Variants in DDX42 observed in about 807,000 individuals in gnomAD.
DDX42 encodes ATP-dependent RNA helicase DDX42.
DDX42 carries 22 observed loss-of-function variants against 101.5 expected under a neutral mutation model. The ratio of observed to expected loss-of-function variants is 0.22; its 90% CI spans 0.15 to 0.31. The LOEUF is 0.31. Among genes scored for constraint, DDX42 ranks in the 10% least tolerant of loss-of-function variants. The pLI, the probability that DDX42 is intolerant of heterozygous loss-of-function variation, is 1.00. For synonymous variants in DDX42, 402 were observed against 401.2 expected, an observed-to-expected ratio of 1.00 and a Z score of -0.02; for missense variants, 849 against 1,199.9, an observed-to-expected ratio of 0.71 and a Z score of 4.32.
In DDX42 at chr17:63,782,022, T is replaced by A. The variant is rs550577717; in HGVS notation, c.-16-5012T>A. Reference sequence around the variant, plus strand: ...GAGACTCCGTCTCAAAAAATAAAAATAAAAAAAGAATTGTCTTACCAGCTG... The same window carrying A: ...GAGACTCCGTCTCAAAAAATAAAAAAAAAAAAAGAATTGTCTTACCAGCTG... On this transcript the variant is annotated intron_variant, in intron 1 of 17. Coordinates refer to ENST00000389924, the MANE Select transcript of DDX42 (RefSeq NM_203499.3). 1.4e-3 allele frequency among the ~76,000 whole-genome samples: 207 copies of A among 147,394 alleles called. 1 individual carries two copies. The highest frequency in any genetic ancestry group is 4.8e-3 in the African/African-American group (189 of 39,576).
intron 13 of DDX42, 62 bp from the exon 14 acceptor site, chr17:63,811,870 C>A: frequency 6.2e-7 from 1 of 1,608,088 alleles, no homozygotes; most frequent in South Asian, 1.1e-5. Flanking sequence ...AATGCCTAGT[C>A]CTTGTTCAGG....
intron 5 of DDX42, 168 bp from the exon 6 acceptor site, chr17:63,800,300 C>T: frequency 3.5e-6 from 2 of 564,954 alleles, no homozygotes; most frequent in East Asian, 2.9e-5. Context: ...TCTGATTGTT[C>T]TTCTGAATAT....
chr17:63,791,750 A>G (rs2039630601), intron 2 of DDX42, among the ~76,000 whole-genome samples: 1 of 152,186 alleles, frequency 6.6e-6, no homozygotes, highest in Non-Finnish European at 1.5e-5. Context: ...CTAATGTTTC[A>G]GTAAGTTTCC....
chr17:63,780,079 C>T (rs1028164725), intron 1 of DDX42, among the ~76,000 whole-genome samples: 1 of 152,112 alleles, frequency 6.6e-6, no homozygotes, highest in Non-Finnish European at 1.5e-5. Flanking sequence ...GGCAGATCAC[C>T]GGCGGTCGGG....
chr17:63,779,382 A>G (rs1158137690), intron 1 of DDX42, among the ~76,000 whole-genome samples: 2 of 151,344 alleles, frequency 1.3e-5, no homozygotes, highest in Non-Finnish European at 2.9e-5. Flanking sequence ...TCCCACCTCA[A>G]CCTCCCGAGT....
intron 1 of DDX42, among the ~76,000 whole-genome samples, chr17:63,786,520 G>C (rs1415762680): frequency 1.3e-5 from 2 of 151,964 alleles, no homozygotes; most frequent in African/African-American, 4.8e-5. Flanking sequence ...GAACTCCTGG[G>C]TTCAAGTAGT....
At chr17:63,792,847 A>G (rs2039645467) in intron 3 of DDX42, among the ~76,000 whole-genome samples, 1 of 152,178 alleles carries the variant, frequency 6.6e-6, no homozygotes, top group African/African-American at 2.4e-5. Context: ...ATATTCTTAA[A>G]TGGAATTAAT....
At position 63,817,994 on chromosome 17, in the gene DDX42, G is replaced by A. The variant is rs778471139; in HGVS notation, c.2413G>A (p.Gly805Arg). ...NSREGTGGSN[G>R]KRERYTENRG... ...CCGAGAAGGGACTGGGGGCAGCAAC[G>A]GGAAAAGAGAGAGATATACTGAGAA... The change falls in exon 18 of 18, where the codon GGG (glycine) becomes AGG (arginine). Residue 805 changes from glycine to arginine, a missense_variant. Physicochemically the swap from Gly to Arg is moderately radical, Grantham distance 125 (BLOSUM62 -2). This residue lies in a region of DDX42 where 300 missense variants were observed against 304.9 expected (regional missense o/e 0.98). Transcript: ENST00000389924. 11 of 1,614,040 alleles carry A rather than the reference G, an allele frequency of 6.8e-6. No homozygotes were observed. Among genetic ancestry groups the A allele is most frequent in the East Asian group, 4.5e-5 (2 of 44,904 alleles).
At chr17:63,800,390 A>G (rs1420527715) in intron 5 of DDX42, 78 bp from the exon 6 acceptor site, 7 of 1,423,004 alleles carry the variant, frequency 4.9e-6, no homozygotes, top group African/African-American at 1.4e-5. Context: ...TATCTGGTAC[A>G]CTATGTGCGC....
At chr17:63,790,822 T>C (rs548302857) in intron 2 of DDX42, among the ~76,000 whole-genome samples, 1 of 151,858 alleles carries the variant, frequency 6.6e-6, no homozygotes, top group Admixed American at 6.6e-5. Context: ...TGCCAGCTAT[T>C]TGGGAGACTG....
Position 63,800,610 on chromosome 17 carries a change from A to T in DDX42, c.614A>T (p.His205Leu). 6.2e-7 allele frequency: 1 copy of T among 1,613,610 alleles called. No homozygotes were observed. ...ATTGATCCTCTTCCCCCCATTGATC[A>T]TTCAGAGGTATGGTGTTTCTTGCTG... ...KIIDPLPPID[H>L]SEIDYPPFEK... The change falls in exon 6 of 18, where the codon CAT becomes CTT. Residue 205 changes from histidine (H) to leucine (L), a missense_variant. His to Leu is a moderately conservative substitution (Grantham distance 99). Coordinates refer to ENST00000389924, the MANE Select transcript of DDX42 (RefSeq NM_203499.3).
At chr17:63,791,485 A>G (rs1299608699) in intron 2 of DDX42, among the ~76,000 whole-genome samples, 2 of 151,840 alleles carry the variant, frequency 1.3e-5, no homozygotes, top group East Asian at 1.9e-4. Flanking sequence ...CTAATTTTGT[A>G]TTTTTAGTAG....
chr17:63,791,453 G>A (rs1191402169), intron 2 of DDX42, among the ~76,000 whole-genome samples: 2 of 151,894 alleles, frequency 1.3e-5, no homozygotes, highest in South Asian at 2.1e-4. Context: ...CTGGGATTAC[G>A]GGCATGTGCA....
chr17:63,807,643 C>G, intron 8 of DDX42, 81 bp from the exon 9 acceptor site: 1 of 1,317,682 alleles, frequency 7.6e-7, no homozygotes, highest in Non-Finnish European at 1.1e-6. Context: ...TGTTAGTAGT[C>G]ATTTATCATT....
intron 1 of DDX42, among the ~76,000 whole-genome samples, chr17:63,782,725 TTGC>T (rs1393821971): frequency 6.6e-6 from 1 of 152,216 alleles, no homozygotes; most frequent in Non-Finnish European, 1.5e-5. Context: ...TATACCTGCG[TTGC>T]TGCAACAGCC....
At chr17:63,806,725 TC>T in intron 8 of DDX42, 71 bp downstream of exon 8, 2 of 1,488,986 alleles carry the variant, frequency 1.3e-6, no homozygotes, top group Non-Finnish European at 1.8e-6. Flanking sequence ...TAAAAACAAA[TC>T]ACAGCAGTAA....
intron 7 of DDX42, chr17:63,805,822 G>T (rs2039832480): frequency 6.6e-6 from 1 of 152,222 alleles, no homozygotes; most frequent in African/African-American, 2.4e-5. Context: ...GTATTTGTGT[G>T]TGTACACTTG....
chr17:63,815,134 A>T (rs1014864841), intron 15 of DDX42, among the ~76,000 whole-genome samples: 1 of 152,200 alleles, frequency 6.6e-6, no homozygotes, highest in Non-Finnish European at 1.5e-5. Context: ...GATAAGCCTC[A>T]CTTCACATAG....
chr17:63,790,878 C>T (rs1406792211), intron 2 of DDX42, among the ~76,000 whole-genome samples: 1 of 151,588 alleles, frequency 6.6e-6, no homozygotes, highest in Non-Finnish European at 1.5e-5. Flanking sequence ...TTGCAGTGAG[C>T]ACAGAGATCA....
Sources: gnomAD v4.1 joint callset for allele counts (sites outside exome capture counted in the v4.1 genomes callset) on GRCh38, gnomAD v4.1.1 for gene constraint, gnomAD v4.1.1 regional missense constraint, MANE v1.5 for transcripts, NCBI Gene and HGNC (gene_info 2026-07-23, HGNC 2026-07-21) for gene names.